The following KCNAB2 variants were observed in gnomAD, a reference collection of about 807,000 sequenced individuals.
KCNAB2 encodes voltage-gated potassium channel subunit beta-2.
Under a neutral mutation model 63.6 loss-of-function variants are expected in KCNAB2, and 29 were observed. That is an observed-to-expected ratio of 0.46 (90% CI 0.34 to 0.62). The LOEUF is 0.62. Ranked by LOEUF, KCNAB2 falls within the 20% of genes least tolerant of loss-of-function variation. The pLI is 0.01. For synonymous variants in KCNAB2, 222 were observed against 224.2 expected (o/e 0.99, Z 0.09); for missense variants, 359 against 563.9 (o/e 0.64, Z 3.68).
chr1:6,030,688 GTGTA>G (rs1315503695), upstream of KCNAB2, among the ~76,000 whole-genome samples: 1 of 151,410 alleles, frequency 6.6e-6, no homozygotes, highest in Non-Finnish European at 1.5e-5. Context: ...GTGTGTTTGT[GTGTA>G]TGTGTGTGTG....
At chr1:6,057,219 G>A (rs1037932043) in intron 2 of KCNAB2, among the ~76,000 whole-genome samples, 6 of 151,702 alleles carry the variant, frequency 4.0e-5, no homozygotes, top group Non-Finnish European at 7.4e-5. Flanking sequence ...ACTGACCCTT[G>A]GTCATGAACT....
chr1:6,000,898 G>A (rs1009231935), intron 1 of KCNAB2, among the ~76,000 whole-genome samples: 1 of 152,166 alleles, frequency 6.6e-6, no homozygotes, highest in Non-Finnish European at 1.5e-5. Flanking sequence ...CAGAGCGGGA[G>A]GAGGTGTATG....
In KCNAB2 at chr1:6,066,409, C is replaced by T. The variant is rs577707180; in HGVS notation, c.219-6346C>T. ...AGACTTGGGCAGTTTGTGCTGAGGGCCGGGAGGGGCTGTGCTTAGTGCTTG... is the reference window on the plus strand; with the variant it reads ...AGACTTGGGCAGTTTGTGCTGAGGGTCGGGAGGGGCTGTGCTTAGTGCTTG... On this transcript the variant is annotated intron_variant, in intron 2 of 15. Transcript: ENST00000378083. Among the ~76,000 whole-genome samples the T allele has an allele frequency of 2.0e-5, 3 of 152,326 alleles. No individual in the cohort carries two copies. The South Asian group carries it at 6.2e-4, about 32-fold the overall frequency.
At chr1:6,085,865 G>C (rs768441633) in intron 6 of KCNAB2, 9 of 987,232 alleles carry the variant, frequency 9.1e-6, no homozygotes, top group Non-Finnish European at 1.1e-5. Context: ...CACCCACCCA[G>C]CTCAGGGCGG....
In KCNAB2 at chr1:6,026,946, A is replaced by G. The variant is rs185586403; in HGVS notation, c.-52-13571A>G. The stretch of plus-strand genomic sequence containing the variant: ...AGGCGCGAAGGCCCCTGCCTTGAAC[A>G]TGGATGGCGTGGGTCCCCAGTCCCT... On this transcript the variant is annotated intron_variant, in intron 1 of 16. Coordinates refer to the KCNAB2 transcript ENST00000341524. Among the ~76,000 whole-genome samples, 50 of 152,232 alleles carry G rather than the reference A, an allele frequency of 3.3e-4. No homozygotes were observed. The Middle Eastern group carries it at 0.01, about 31-fold the overall frequency.
At chr1:6,051,415 T>A in intron 1 of KCNAB2, 96 bp from the exon 2 acceptor site, 1 of 1,370,024 alleles carries the variant, frequency 7.3e-7, no homozygotes, top group East Asian at 2.7e-5. Flanking sequence ...AGTTAAAGGA[T>A]GTTTCGCTGC....
intron 1 of KCNAB2, among the ~76,000 whole-genome samples, chr1:6,008,335 TCAGAGCCAGGCA>T (rs1241225638): frequency 1.3e-5 from 2 of 151,866 alleles, no homozygotes; most frequent in African/African-American, 4.8e-5. Context: ...TAAGAATCAC[TCAGAGCCAGGCA>T]CGGTGGTTCA....
At chr1:6,053,363 C>T (rs1478987561) in intron 2 of KCNAB2, among the ~76,000 whole-genome samples, 3 of 152,182 alleles carry the variant, frequency 2.0e-5, no homozygotes, top group African/African-American at 7.2e-5. Flanking sequence ...CCCAACCTCA[C>T]GGCAGCCATG....
chr1:6,071,812 GAGGGCACCTCCTGCCGCAT>G lies in KCNAB2; in HGVS notation c.219-925_219-907del, dbSNP rs1163226300. The stretch of plus-strand genomic sequence containing the variant: ...TGCCACATAGGGCACCTCCTGCCGC[GAGGGCACCTCCTGCCGCAT>G]AGGGCACCTCCTGCCGCGAGGGCAC... On this transcript the variant is annotated intron_variant, in intron 2 of 15. Coordinates refer to ENST00000378083, the MANE Select transcript of KCNAB2 (RefSeq NM_001199862.2). This position sits in a 1 kb window ranked among gnomAD's most constrained non-coding sequence, Gnocchi z 8.5. Among the ~76,000 whole-genome samples the G allele has an allele frequency of 4.0e-5, 6 of 150,712 alleles. No individual in the cohort carries two copies. Among genetic ancestry groups the G allele is most frequent in the South Asian group, 4.2e-4 (2 of 4,754 alleles).
At chr1:6,060,579 C>T (rs990889580) in intron 2 of KCNAB2, among the ~76,000 whole-genome samples, 24 of 152,138 alleles carry the variant, frequency 1.6e-4, no homozygotes, top group African/African-American at 5.8e-4. Flanking sequence ...GTCTCACTCT[C>T]GGAGGAGCTG....
At chr1:6,067,404 A>G (rs559267096) in intron 2 of KCNAB2, among the ~76,000 whole-genome samples, 60 of 152,304 alleles carry the variant, frequency 3.9e-4, no homozygotes, top group African/African-American at 1.3e-3. Context: ...TATAGCTGGT[A>G]TGGGTGCCAA....
chr1:6,010,394 A>G (rs1658082951), intron 1 of KCNAB2, among the ~76,000 whole-genome samples: 1 of 152,196 alleles, frequency 6.6e-6, no homozygotes, highest in South Asian at 2.1e-4. Flanking sequence ...CGAGAGTTCA[A>G]GTTCAACCTG....
chr1:6,076,567 T>A (rs184561921), intron 4 of KCNAB2, among the ~76,000 whole-genome samples: 1 of 152,340 alleles, frequency 6.6e-6, no homozygotes, highest in East Asian at 1.9e-4. Flanking sequence ...GGGAGGCAGG[T>A]GCTATTCCCA....
At chr1:6,094,267 T>G in intron 10 of KCNAB2, 133 bp from the exon 11 acceptor site, 1 of 653,866 alleles carries the variant, frequency 1.5e-6, no homozygotes, top group Admixed American at 2.4e-5. Flanking sequence ...AGCCAGGAAG[T>G]ACACTGCTTG....
upstream of KCNAB2, among the ~76,000 whole-genome samples, chr1:6,045,088 A>G (rs538643558): frequency 2.0e-5 from 3 of 152,236 alleles, no homozygotes; most frequent in East Asian, 5.8e-4. This position sits in a 1 kb window ranked among gnomAD's most constrained non-coding sequence, Gnocchi z 4.8. Flanking sequence ...AGTCACCCGC[A>G]GCCAGGCACC....
At chr1:6,085,129 G>T (rs543845330) in intron 5 of KCNAB2, 75 bp from the exon 6 acceptor site, 1 of 1,472,760 alleles carries the variant, frequency 6.8e-7, no homozygotes, top group Non-Finnish European at 9.5e-7. Flanking sequence ...GGAACCAAGT[G>T]GCCAGTGGCC....
In KCNAB2 at chr1:6,098,577, C is replaced by T. The variant is rs775577751; in HGVS notation, c.*3C>T. 8.1e-6 allele frequency: 13 copies of T among 1,613,144 alleles called. No individual in the cohort carries two copies. The South Asian group carries it at 8.8e-5, about 11-fold the overall frequency. On this transcript the variant is annotated 3_prime_UTR_variant, in exon 16 of 16. Coordinates refer to ENST00000378083, the MANE Select transcript of KCNAB2 (RefSeq NM_001199862.2). ...GCAAAAAGGACTACAGATCCTAAGC[C>T]GCCCCCGCCCGCCTGCTCGGACAGT...
chr1:6,022,545 G>T (rs1658908637), intron 1 of KCNAB2, among the ~76,000 whole-genome samples: 1 of 152,090 alleles, frequency 6.6e-6, no homozygotes, highest in Non-Finnish European at 1.5e-5. Flanking sequence ...GCGGTATTAA[G>T]TACATTCATA....
At chr1:6,041,697 G>A (rs375823479), upstream of KCNAB2, 317 of 740,256 alleles carry the variant, frequency 4.3e-4, 5 homozygotes, top group South Asian at 3.8e-3. Flanking sequence ...CTGAGCAGGC[G>A]ACTGGTGGGG....
Sources: allele counts gnomAD v4.1 joint callset (sites outside exome capture counted in the v4.1 genomes callset), GRCh38; gene constraint gnomAD v4.1.1; non-coding constraint Gnocchi (gnomAD v3.1); transcripts MANE v1.5; gene names NCBI Gene and HGNC (gene_info 2026-07-23, HGNC 2026-07-21).